Variants in RNF220 observed in about 807,000 individuals in gnomAD.
The protein encoded by RNF220 is E3 ubiquitin-protein ligase RNF220.
In RNF220, 7 loss-of-function variants were observed where a neutral mutation model predicts 67.1. The observed-to-expected ratio is 0.10, with a 90% CI of 0.06 to 0.20. The LOEUF is 0.20. Among genes scored for constraint, RNF220 ranks in the 10% least tolerant of loss-of-function variants. The probability of loss-of-function intolerance (pLI) is 1.00; values close to 1 mark genes in which losing one functional copy is unlikely to be tolerated. For missense variants in RNF220, 565 were observed against 740.3 expected (o/e 0.76, Z 2.75); for synonymous variants, 270 against 283.2 (o/e 0.95, Z 0.47).
rs540214565 is a variant in RNF220 at position 44,406,333 on chromosome 1, A to C, written c.-118+803A>C. On this transcript the variant is annotated intron_variant, in intron 1 of 14. Coordinates refer to ENST00000361799, the MANE Select transcript of RNF220 (RefSeq NM_018150.4). ...TCTAAACGCCACCGGTAAACTCCCC[A>C]CTCCTCTGGGCTGGACCGGCCTGGC... is the stretch of plus-strand genomic sequence containing the variant. 6.6e-5 allele frequency among the ~76,000 whole-genome samples: 10 copies of C among 151,566 alleles called. No homozygotes were observed. The East Asian group carries it at 2.0e-3, about 30-fold the overall frequency.
intron 4 of RNF220, among the ~76,000 whole-genome samples, chr1:44,623,931 C>CT (rs1643876327): frequency 6.6e-6 from 1 of 152,216 alleles, no homozygotes; most frequent in Non-Finnish European, 1.5e-5. Flanking sequence ...CTGGTGACCT[C>CT]TAAGAGGGCA....
At chr1:44,610,284 T>C (rs1435151077) in intron 2 of RNF220, among the ~76,000 whole-genome samples, 2 of 152,352 alleles carry the variant, frequency 1.3e-5, no homozygotes, top group East Asian at 3.9e-4. Context: ...ATTTCCTCGT[T>C]ATCAGTGCAA....
At chr1:44,537,798 C>A (rs997345491) in intron 2 of RNF220, among the ~76,000 whole-genome samples, 5 of 152,194 alleles carry the variant, frequency 3.3e-5, no homozygotes, top group Non-Finnish European at 7.3e-5. Context: ...CAGAATGTTC[C>A]CACTGTGTTT....
intron 5 of RNF220, 156 bp from the exon 6 acceptor site, chr1:44,632,187 A>G: frequency 1.3e-6 from 2 of 1,581,510 alleles, no homozygotes; most frequent in Non-Finnish European, 1.7e-6. Flanking sequence ...GGAGGAGCAG[A>G]GGGGCCGGCG....
intron 2 of RNF220, among the ~76,000 whole-genome samples, chr1:44,548,739 A>C (rs967834693): frequency 6.6e-6 from 1 of 152,056 alleles, no homozygotes; most frequent in Non-Finnish European, 1.5e-5. Context: ...CAATCCTCCT[A>C]CTTCAGCCTC....
At chr1:44,437,285 C>T (rs1191187625) in intron 2 of RNF220, among the ~76,000 whole-genome samples, 4 of 152,116 alleles carry the variant, frequency 2.6e-5, no homozygotes, top group Admixed American at 6.5e-5. Context: ...TGAGCCAAGC[C>T]GCTAAAATAT....
chr1:44,436,102 C>T (rs549025719), intron 2 of RNF220, among the ~76,000 whole-genome samples: 1 of 152,146 alleles, frequency 6.6e-6, no homozygotes, highest in South Asian at 2.1e-4. Flanking sequence ...CACAAAGTCC[C>T]TGAAGCAAGT....
In RNF220 at chr1:44,503,846, C is replaced by A. The variant is rs556480770; in HGVS notation, c.625+91124C>A. On this transcript the variant is annotated intron_variant, in intron 2 of 14. Coordinates refer to ENST00000361799, the MANE Select transcript of RNF220 (RefSeq NM_018150.4). ...GCTCTGGGTGTGGGGCCCAGCCATC[C>A]GTGGGTTGTTTTTTGTTTTTTTTTT... 1.1e-4 allele frequency among the ~76,000 whole-genome samples: 17 copies of A among 152,090 alleles called. No individual in the cohort carries two copies. In the South Asian group the frequency reaches 2.7e-3, roughly 24 times the overall value.
chr1:44,530,531 C>A (rs1169298500), intron 2 of RNF220, among the ~76,000 whole-genome samples: 11 of 136,446 alleles, frequency 8.1e-5, no homozygotes, highest in African/African-American at 1.6e-4. Flanking sequence ...GTCAAATCTG[C>A]AAAAAAAAAA....
intron 5 of RNF220, among the ~76,000 whole-genome samples, chr1:44,631,000 A>C (rs987421321): frequency 2.0e-5 from 3 of 152,216 alleles, no homozygotes; most frequent in Non-Finnish European, 4.4e-5. Context: ...AAAAGATGAG[A>C]CGGGAACAGC....
At chr1:44,583,454 CCTCT>C (rs1318754508) in intron 2 of RNF220, among the ~76,000 whole-genome samples, 1 of 152,134 alleles carries the variant, frequency 6.6e-6, no homozygotes, top group Non-Finnish European at 1.5e-5. Context: ...AAATCTGTGC[CCTCT>C]CTGTTTATGA....
At chr1:44,628,485 T>G (rs958899262) in intron 5 of RNF220, among the ~76,000 whole-genome samples, 1 of 152,230 alleles carries the variant, frequency 6.6e-6, no homozygotes, top group Non-Finnish European at 1.5e-5. Flanking sequence ...TGGAGATCTC[T>G]GAAGCCCAGG....
At chr1:44,528,560 A>G (rs556405721) in intron 2 of RNF220, among the ~76,000 whole-genome samples, 4 of 151,622 alleles carry the variant, frequency 2.6e-5, no homozygotes, top group South Asian at 4.2e-4. Flanking sequence ...TCGGCCTCCC[A>G]AAGTGCTGGG....
At chr1:44,615,394 A>G (rs183373750) in intron 3 of RNF220, among the ~76,000 whole-genome samples, 1 of 152,248 alleles carries the variant, frequency 6.6e-6, no homozygotes, top group East Asian at 1.9e-4. Flanking sequence ...GTCAAATTGT[A>G]GAAACGTATG....
At chr1:44,635,611 C>T in intron 7 of RNF220, 23 bp downstream of exon 7, 1 of 1,614,194 alleles carries the variant, frequency 6.2e-7, no homozygotes, top group Non-Finnish European at 8.5e-7. Flanking sequence ...TGCAACCGCC[C>T]CCTGGCAGGA....
At chr1:44,620,557 T>C (rs1643749094) in intron 3 of RNF220, among the ~76,000 whole-genome samples, 1 of 152,232 alleles carries the variant, frequency 6.6e-6, no homozygotes, top group Admixed American at 6.5e-5. Flanking sequence ...TCCGTGCCCT[T>C]CTTGAATCCC....
At position 44,644,916 on chromosome 1, in the gene RNF220, G is replaced by A; in HGVS notation, c.1224-79G>A. On this transcript the variant is annotated intron_variant, in intron 9 of 14. Coordinates refer to ENST00000361799, the MANE Select transcript of RNF220 (RefSeq NM_018150.4). ...GGGCCAGAGTCTCAGCTTTGGCCAG[G>A]AGGGCCATGCTCTCCTGAGGATTCA... is the stretch of plus-strand genomic sequence containing the variant. 1.3e-5 allele frequency: 21 copies of A among 1,564,712 alleles called. 1 individual carries two copies. In the South Asian group the frequency reaches 2.4e-4, roughly 18 times the overall value.
At chr1:44,542,740 A>G (rs1177844326) in intron 2 of RNF220, among the ~76,000 whole-genome samples, 1 of 152,190 alleles carries the variant, frequency 6.6e-6, no homozygotes, top group Non-Finnish European at 1.5e-5. Flanking sequence ...TTTAATCCAC[A>G]GGGAGACAGG....
intron 2 of RNF220, among the ~76,000 whole-genome samples, chr1:44,437,228 T>C (rs1651069829): frequency 6.6e-6 from 1 of 152,194 alleles, no homozygotes; most frequent in South Asian, 2.1e-4. Flanking sequence ...CTAAAGTCGA[T>C]TGCATAGACA....
Sources: allele counts gnomAD v4.1 joint callset (sites outside exome capture counted in the v4.1 genomes callset), GRCh38; gene constraint gnomAD v4.1.1; transcripts MANE v1.5; gene names NCBI Gene and HGNC (gene_info 2026-07-23, HGNC 2026-07-21).